SEZ6L2: variants seen among roughly 807,000 people sequenced by gnomAD.
SEZ6L2 encodes seizure 6-like protein 2.
A neutral mutation model predicts 97.0 loss-of-function variants in SEZ6L2; 44 were observed. That is an observed-to-expected ratio of 0.45 (90% CI 0.36 to 0.58). SEZ6L2 has a LOEUF of 0.58. Ranked by LOEUF, SEZ6L2 falls within the 20% of genes least tolerant of loss-of-function variation. The pLI is 0.00. For missense variants in SEZ6L2, 1,086 were observed against 1,233.3 expected, an observed-to-expected ratio of 0.88 and a Z score of 1.79; for synonymous variants, 543 against 546.1, an observed-to-expected ratio of 0.99 and a Z score of 0.08.
intron 3 of SEZ6L2, among the ~76,000 whole-genome samples, chr16:29,896,305 G>A (rs1408771378): frequency 6.6e-6 from 1 of 151,948 alleles, no homozygotes; most frequent in Non-Finnish European, 1.5e-5. Context: ...TTAAGATGGA[G>A]TTTTGCTCTT....
rs199736048 is a variant in SEZ6L2 at position 29,896,804 on chromosome 16, C to T, written c.511+18G>A. ...CCTCTCCGGTCCTCCCACCCCCATC[C>T]CCTTGCTGTCGCCTCACCTGGGCTG... On this transcript the variant is annotated intron_variant, in intron 3 of 17. Transcript: ENST00000617533. 112 of 1,610,176 alleles carry T rather than the reference C, an allele frequency of 7.0e-5. No homozygotes were observed. In the African/African-American group the frequency reaches 1.4e-3, roughly 20 times the overall value.
intron 8 of SEZ6L2, among the ~76,000 whole-genome samples, chr16:29,880,512 G>A (rs1422900678): frequency 6.6e-6 from 1 of 152,076 alleles, no homozygotes. Context: ...GTAGAGACGG[G>A]GTTTCTCCAG....
chr16:29,880,522 G>T (rs1567415926), intron 8 of SEZ6L2, among the ~76,000 whole-genome samples: 1 of 151,966 alleles, frequency 6.6e-6, no homozygotes, highest in Non-Finnish European at 1.5e-5. Context: ...GGTTTCTCCA[G>T]GTTGATCAGG....
At position 29,895,363 on chromosome 16, in the gene SEZ6L2, A is replaced by G; in HGVS notation, c.749T>C (p.Met250Thr). 2 of 1,614,164 alleles carry G rather than the reference A, an allele frequency of 1.2e-6. No homozygotes were observed. Among genetic ancestry groups the G allele is most frequent in the South Asian group, 1.1e-5 (1 of 91,082 alleles). Residue 250 changes from methionine to threonine, a missense_variant, in exon 5 of 18, where the codon ATG (methionine) becomes ACG (threonine). This residue lies in a region of SEZ6L2 where 776 missense variants were observed against 794.7 expected (regional missense o/e 0.98). Coordinates refer to ENST00000617533, the MANE Select transcript of SEZ6L2 (RefSeq NM_001243332.2). ...CCGAAGGACTTGTCCTTCTCCAAGC[A>G]TGGATGAGTTGGCCAGGAGTCGGGG... ...LAPRLLANSS[M>T]LGEGQVLRSP...
intron 5 of SEZ6L2, among the ~76,000 whole-genome samples, chr16:29,891,939 A>G (rs964097217): frequency 3.9e-5 from 6 of 152,198 alleles, no homozygotes; most frequent in Admixed American, 2.6e-4. Context: ...CTCAGCCTCA[A>G]TTAATGAATG....
rs1471963664 is a variant in SEZ6L2 at position 29,872,401 on chromosome 16, C to T, written c.2645+8G>A. 8.7e-6 allele frequency: 14 copies of T among 1,612,350 alleles called. No homozygotes were observed. The highest frequency in any genetic ancestry group is 1.2e-5 in the Non-Finnish European group (14 of 1,178,364). ...CCCTGGCCGGCAGTCCCCAAGCAGG[C>T]TACTTACTTGGTGTAGTAGATGTAA... On this transcript the variant is annotated splice_region_variant and intron_variant, in intron 16 of 17. Coordinates refer to ENST00000617533, the MANE Select transcript of SEZ6L2 (RefSeq NM_001243332.2).
In SEZ6L2 at chr16:29,877,439, T is replaced by C; in HGVS notation, c.1741A>G (p.Thr581Ala). The C allele has an allele frequency of 6.2e-7, 1 of 1,606,510 alleles. No homozygotes were observed. The highest frequency in any genetic ancestry group is 8.5e-7 in the Non-Finnish European group (1 of 1,176,372). The change falls in exon 11 of 18, where the codon ACG becomes GCG. Residue 581 changes from threonine to alanine, a missense_variant. By Grantham distance (58) the Thr-to-Ala change is moderately conservative (BLOSUM62 0). Transcript: ENST00000617533. The part of the protein sequence containing the change: ...ILNVREGDML[T>A]LFDGDGPSAR... The stretch of plus-strand genomic sequence containing the variant: ...CTGGGACCGTCCCCGTCGAACAGCG[T>C]CAGCATGTCCCCTTCCCGCACATTC...
chr16:29,874,552 T>TG (rs1291446246), intron 12 of SEZ6L2, among the ~76,000 whole-genome samples: 2 of 59,988 alleles, frequency 3.3e-5, no homozygotes, highest in Admixed American at 1.5e-4. Context: ...GTGTGCTTGT[T>TG]TTTTTTTTTT....
chr16:29,884,737 A>G (rs778369291), intron 8 of SEZ6L2, among the ~76,000 whole-genome samples: 1 of 149,666 alleles, frequency 6.7e-6, no homozygotes, highest in South Asian at 2.1e-4. Context: ...AACGTGGAGA[A>G]ACCCCATTTT....
chr16:29,885,384 T>G (rs1166888228), intron 8 of SEZ6L2, among the ~76,000 whole-genome samples: 2 of 151,968 alleles, frequency 1.3e-5, no homozygotes, highest in Non-Finnish European at 1.5e-5. Flanking sequence ...TCATGAAGCT[T>G]AAACAGAGAA....
At chr16:29,883,408 T>C (rs1434002895) in intron 8 of SEZ6L2, among the ~76,000 whole-genome samples, 1 of 151,626 alleles carries the variant, frequency 6.6e-6, no homozygotes, top group Non-Finnish European at 1.5e-5. Context: ...TCAAGTGGGG[T>C]TCAAGTGATC....
intron 12 of SEZ6L2, among the ~76,000 whole-genome samples, chr16:29,875,566 G>A (rs2067884188): frequency 6.6e-6 from 1 of 151,916 alleles, no homozygotes; most frequent in African/African-American, 2.4e-5. Context: ...TGGAACTACA[G>A]CCCCATGTCC....
chr16:29,890,685 G>C (rs1306709077), intron 5 of SEZ6L2, among the ~76,000 whole-genome samples: 1 of 144,110 alleles, frequency 6.9e-6, no homozygotes, highest in Non-Finnish European at 1.5e-5. Flanking sequence ...ACAGTTACTT[G>C]TTCTCTTACC....
intron 5 of SEZ6L2, 60 bp from the exon 6 acceptor site, chr16:29,888,785 A>T (rs1047200977): frequency 1.1e-5 from 16 of 1,457,344 alleles, no homozygotes; most frequent in Non-Finnish European, 1.5e-5. Context: ...TCTCATACTG[A>T]TCCCCCAGCA....
Position 29,898,919 on chromosome 16 carries a change from C to G in SEZ6L2, c.79+22G>C, listed in dbSNP as rs373364432. The G allele has an allele frequency of 5.0e-6, 8 of 1,599,500 alleles. No individual in the cohort carries two copies. The African/African-American group carries it at 1.1e-4, about 21-fold the overall frequency. Reference sequence around the variant, plus strand: ...CGCTGGACGCCTTCCTGGGGCCCACCCCCACAGTCTCATGTCCTTACCCTG... The same window carrying G: ...CGCTGGACGCCTTCCTGGGGCCCACGCCCACAGTCTCATGTCCTTACCCTG... On this transcript the variant is annotated intron_variant, in intron 1 of 17. Coordinates refer to ENST00000617533, the MANE Select transcript of SEZ6L2 (RefSeq NM_001243332.2).
Position 29,876,378 on chromosome 16 carries a change from A to G in SEZ6L2, c.2104+378T>C, listed in dbSNP as rs1046340957. On this transcript the variant is annotated intron_variant, in intron 12 of 17. Coordinates refer to ENST00000617533, the MANE Select transcript of SEZ6L2 (RefSeq NM_001243332.2). This position sits in a 1 kb window ranked among gnomAD's most constrained non-coding sequence, Gnocchi z 6.5. The stretch of plus-strand genomic sequence containing the variant: ...GGGCGTAGGACAGGAAGGTGGAGCC[A>G]AGTGTGGACCCGGGGAGCCCAGTGG... Among the ~76,000 whole-genome samples the G allele has an allele frequency of 6.6e-6, 1 of 151,926 alleles. No individual in the cohort carries two copies. Among genetic ancestry groups the G allele is most frequent in the African/African-American group, 2.4e-5 (1 of 41,360 alleles).
intron 8 of SEZ6L2, among the ~76,000 whole-genome samples, chr16:29,880,440 C>CT (rs1051409167): frequency 6.6e-6 from 1 of 152,096 alleles, no homozygotes; most frequent in Non-Finnish European, 1.5e-5. Flanking sequence ...ATTCTCCTGC[C>CT]TCCTGAGTAG....
intron 4 of SEZ6L2, 45 bp downstream of exon 4, chr16:29,895,676 G>A (rs1023069466): frequency 1.3e-6 from 2 of 1,585,412 alleles, no homozygotes; most frequent in Non-Finnish European, 8.6e-7. Context: ...CAGCCCAGAG[G>A]AAAAGGCTTG....
At chr16:29,871,774 G>A (rs1229615907) in intron 17 of SEZ6L2, 46 bp from the exon 18 acceptor site, 8 of 1,579,286 alleles carry the variant, frequency 5.1e-6, no homozygotes, top group Admixed American at 3.5e-5. Flanking sequence ...TGATAGGGGT[G>A]GAAGAGGCAG....
Sources: allele counts gnomAD v4.1 joint callset (sites outside exome capture counted in the v4.1 genomes callset), GRCh38; gene constraint gnomAD v4.1.1; regional missense constraint gnomAD v4.1.1; non-coding constraint Gnocchi (gnomAD v3.1); transcripts MANE v1.5; gene names NCBI Gene and HGNC (gene_info 2026-07-23, HGNC 2026-07-21).